BCKDHB: variants seen among roughly 807,000 people sequenced by gnomAD.
The protein encoded by BCKDHB is branched chain keto acid dehydrogenase E1 subunit beta.
BCKDHB carries 41 observed loss-of-function variants against 48.5 expected under a neutral mutation model. The observed-to-expected ratio is 0.85, with a 90% CI of 0.66 to 1.10. The LOEUF (loss-of-function observed/expected upper bound fraction) is 1.10, where lower values mean the gene tolerates loss of function less well. BCKDHB is among the 50% of genes least tolerant of loss of function. BCKDHB has a pLI of 0.00. For missense variants in BCKDHB, 496 were observed against 494.2 expected (o/e 1.00, Z -0.03); for synonymous variants, 201 against 174.8 (o/e 1.15, Z -1.18).
At chr6:80,293,870 CAG>C (rs1181861374) in intron 9 of BCKDHB, among the ~76,000 whole-genome samples, 1 of 152,184 alleles carries the variant, frequency 6.6e-6, no homozygotes, top group Non-Finnish European at 1.5e-5. Flanking sequence ...AAAATACCAC[CAG>C]TCTCCTTGTA....
At chr6:80,322,946 A>T (rs1768822181) in intron 9 of BCKDHB, among the ~76,000 whole-genome samples, 2 of 145,926 alleles carry the variant, frequency 1.4e-5, no homozygotes, top group East Asian at 2.0e-4. Flanking sequence ...GGGTTTAAAA[A>T]TTTTTTAACT....
At chr6:80,458,959 T>A in the BCKDHB span, among the ~76,000 whole-genome samples, 1 of 152,150 alleles carries the variant, frequency 6.6e-6, no homozygotes, top group Non-Finnish European at 1.5e-5. Flanking sequence ...ACTATTATTT[T>A]AAAAAACCCA....
chr6:80,360,278 A>G, the BCKDHB span, among the ~76,000 whole-genome samples: 3 of 152,170 alleles, frequency 2.0e-5, no homozygotes, highest in Admixed American at 6.5e-5. Flanking sequence ...CAAATAAGGT[A>G]TTGTCTCCAA....
the BCKDHB span, among the ~76,000 whole-genome samples, chr6:80,386,733 G>A: frequency 2.9e-3 from 397 of 135,036 alleles, no homozygotes; most frequent in Non-Finnish European, 5.0e-3. Context: ...ATTAATCATG[G>A]TGTTCCTAGA....
At chr6:80,412,515 TTTGTC>T in the BCKDHB span, among the ~76,000 whole-genome samples, 1 of 152,206 alleles carries the variant, frequency 6.6e-6, no homozygotes, top group African/African-American at 2.4e-5. Flanking sequence ...TTTCAACACT[TTTGTC>T]TTTTAACTTT....
chr6:80,350,587 A>C (rs1386750915), downstream of BCKDHB, among the ~76,000 whole-genome samples: 2 of 152,180 alleles, frequency 1.3e-5, no homozygotes, highest in Non-Finnish European at 1.5e-5. Flanking sequence ...TTGATAAACA[A>C]AAGTCTTCAT....
At chr6:80,255,837 A>C (rs1582449779) in intron 8 of BCKDHB, among the ~76,000 whole-genome samples, 1 of 152,194 alleles carries the variant, frequency 6.6e-6, no homozygotes, top group South Asian at 2.1e-4. Flanking sequence ...AGAAAATATG[A>C]AGGACATAAA....
the BCKDHB span, among the ~76,000 whole-genome samples, chr6:80,375,250 A>G: frequency 3.8e-3 from 573 of 152,204 alleles, 6 homozygotes; most frequent in African/African-American, 0.013. Flanking sequence ...ATGTTTTCCA[A>G]ACTTTTAGAT....
chr6:80,405,470 T>C, the BCKDHB span, among the ~76,000 whole-genome samples: 1 of 152,146 alleles, frequency 6.6e-6, no homozygotes, highest in Non-Finnish European at 1.5e-5. Flanking sequence ...TTGGATCTTG[T>C]TTTTATTCAT....
chr6:80,432,020 C>T, the BCKDHB span, among the ~76,000 whole-genome samples: 21 of 152,226 alleles, frequency 1.4e-4, no homozygotes, highest in African/African-American at 4.3e-4. Flanking sequence ...GAATATTGGC[C>T]CCCATGCTCT....
intron 9 of BCKDHB, among the ~76,000 whole-genome samples, chr6:80,278,519 T>G (rs1334395243): frequency 6.6e-6 from 1 of 152,194 alleles, no homozygotes; most frequent in East Asian, 1.9e-4. Context: ...TGCTTCCATG[T>G]CATCTTCTCC....
rs561509478 is a variant in BCKDHB at position 80,114,084 on chromosome 6, T to A, written c.196+7195T>A. Among the ~76,000 whole-genome samples, 46 of 152,140 alleles carry A rather than the reference T, an allele frequency of 3.0e-4. No individual in the cohort carries two copies. The East Asian group carries it at 7.0e-3, about 23-fold the overall frequency. On this transcript the variant is annotated intron_variant, in intron 1 of 9. Transcript: ENST00000320393. ...GGGTTGCAAAGGGAGTGGCTTCTGG[T>A]CCTTTTGTTACTTGGGCATGGGAAG...
the BCKDHB span, among the ~76,000 whole-genome samples, chr6:80,359,601 T>C: frequency 2.0e-5 from 3 of 152,170 alleles, no homozygotes; most frequent in African/African-American, 7.2e-5. Flanking sequence ...TGTTGTTGTT[T>C]GTTTGTTTTT....
At chr6:80,363,941 G>A in the BCKDHB span, among the ~76,000 whole-genome samples, 2 of 152,090 alleles carry the variant, frequency 1.3e-5, no homozygotes, top group Admixed American at 1.3e-4. Context: ...AGTGAACCCC[G>A]GGCTACTTCT....
chr6:80,206,969 A>G (rs1482618663), intron 8 of BCKDHB, among the ~76,000 whole-genome samples: 1 of 152,068 alleles, frequency 6.6e-6, no homozygotes, highest in Non-Finnish European at 1.5e-5. Flanking sequence ...GTGCTAGCCT[A>G]CAATTCTATA....
chr6:80,155,211 A>G (rs915524459), intron 3 of BCKDHB, among the ~76,000 whole-genome samples: 1 of 152,076 alleles, frequency 6.6e-6, no homozygotes, highest in South Asian at 2.1e-4. Flanking sequence ...TATAGTAGCT[A>G]TCTTATTTGC....
chr6:80,189,474 A>G (rs1033481598), intron 6 of BCKDHB, among the ~76,000 whole-genome samples: 11 of 152,218 alleles, frequency 7.2e-5, no homozygotes, highest in African/African-American at 2.4e-4. Context: ...GACATTAACA[A>G]TGCCCAAACT....
the BCKDHB span, among the ~76,000 whole-genome samples, chr6:80,454,824 C>A: frequency 6.6e-6 from 1 of 152,218 alleles, no homozygotes; most frequent in Non-Finnish European, 1.5e-5. Flanking sequence ...CAGTCTAGCC[C>A]TGGCTTGTCC....
intron 1 of BCKDHB, among the ~76,000 whole-genome samples, chr6:80,126,955 TA>T (rs1050892018): frequency 2.0e-5 from 3 of 152,156 alleles, no homozygotes; most frequent in African/African-American, 7.2e-5. Flanking sequence ...TTATTCCTCC[TA>T]AAAAATCCAT....
Sources: gnomAD v4.1 joint callset for allele counts (sites outside exome capture counted in the v4.1 genomes callset) on GRCh38, gnomAD v4.1.1 for gene constraint, MANE v1.5 for transcripts, NCBI Gene and HGNC (gene_info 2026-07-23, HGNC 2026-07-21) for gene names.